DMD: variants seen among roughly 807,000 people sequenced by gnomAD.
The protein encoded by DMD is dystrophin.
A neutral mutation model predicts 330.1 loss-of-function variants in DMD; 63 were observed. The ratio of observed to expected loss-of-function variants is 0.19; its 90% CI spans 0.16 to 0.24. The LOEUF (loss-of-function observed/expected upper bound fraction) is 0.24, where lower values mean the gene tolerates loss of function less well. Among genes scored for constraint, DMD ranks in the 10% least tolerant of loss-of-function variants. DMD has a pLI of 1.00. For synonymous variants in DMD, 1,223 were observed against 959.8 expected (o/e 1.27, Z -5.07); for missense variants, 3,344 against 2,684.1 (o/e 1.25, Z -5.43).
rs749795303 is a variant in DMD, at chrX:32,069,693, TC to T, written c.6439-101180del. On this transcript the variant is annotated intron_variant, in intron 44 of 78. Coordinates refer to ENST00000357033, the MANE Select transcript of DMD (RefSeq NM_004006.3). The stretch of plus-strand genomic sequence containing the variant: ...TAATTTTATTTCACCAAATTAGGCT[TC>T]AAATCCTCCAGACCATCTGTGAATA... Among the ~76,000 whole-genome samples, 284 of 112,090 alleles carry T rather than the reference TC, an allele frequency of 2.5e-3. 1 individual carries two copies. Among genetic ancestry groups the T allele is most frequent in the African/African-American group, 8.6e-3 (266 of 30,863 alleles).
chrX:31,791,317 T>C (rs1016374417), intron 50 of DMD, among the ~76,000 whole-genome samples: 1 of 111,584 alleles, frequency 9.0e-6, no homozygotes, highest in Admixed American at 9.5e-5. Context: ...CAACTAAAGG[T>C]TGTCAATATA....
intron 1 of DMD, among the ~76,000 whole-genome samples, chrX:33,234,281 T>A (rs1272409845): frequency 8.9e-6 from 1 of 111,882 alleles, no homozygotes; most frequent in African/African-American, 3.3e-5. Context: ...GATCATATGG[T>A]CTTGTAAAAT....
At chrX:31,545,450 C>T (rs2074091334) in intron 55 of DMD, among the ~76,000 whole-genome samples, 1 of 112,465 alleles carries the variant, frequency 8.9e-6, no homozygotes. Context: ...GTTTCTTTCT[C>T]AAATCATTTT....
chrX:31,220,694 T>C (rs1238391707), intron 64 of DMD, among the ~76,000 whole-genome samples: 1 of 110,254 alleles, frequency 9.1e-6, no homozygotes, highest in Admixed American at 9.8e-5. Flanking sequence ...TGTATATTTC[T>C]CCTGAGCACC....
At chrX:32,396,011 T>C (rs765701780) in intron 30 of DMD, among the ~76,000 whole-genome samples, 2 of 111,286 alleles carry the variant, frequency 1.8e-5, no homozygotes, top group African/African-American at 3.3e-5. Flanking sequence ...AAAGCAAAGA[T>C]AGCGTAAGTG....
chrX:31,657,544 C>T (rs1038044674), intron 54 of DMD, among the ~76,000 whole-genome samples: 1 of 111,256 alleles, frequency 9.0e-6, no homozygotes, highest in African/African-American at 3.3e-5. Context: ...TTGCCCTCCA[C>T]AAATTTTCCC....
chrX:31,796,042 C>T (rs984269981), intron 50 of DMD, among the ~76,000 whole-genome samples: 2 of 111,620 alleles, frequency 1.8e-5, no homozygotes, highest in Non-Finnish European at 3.8e-5. Flanking sequence ...CTAGTAGGTA[C>T]CAAATCCATG....
At chrX:32,183,966 C>T (rs906011728) in intron 44 of DMD, among the ~76,000 whole-genome samples, 7 of 110,619 alleles carry the variant, frequency 6.3e-5, no homozygotes, top group African/African-American at 2.3e-4. Context: ...CCTAAAAAGA[C>T]TCTTGAAAAA....
intron 70 of DMD, 185 bp downstream of exon 70, chrX:31,178,484 A>C (rs2040794124): frequency 1.0e-6 from 1 of 979,427 alleles, no homozygotes; most frequent in South Asian, 4.2e-5. Flanking sequence ...TGGAAAAAGA[A>C]ATTGTCAAGT....
chrX:32,564,861 G>A (rs977063964), intron 16 of DMD, among the ~76,000 whole-genome samples: 1 of 111,572 alleles, frequency 9.0e-6, no homozygotes, highest in African/African-American at 3.3e-5. Context: ...GGAAATATTT[G>A]CCTAAAATCT....
intron 12 of DMD, among the ~76,000 whole-genome samples, chrX:32,607,315 T>A (rs1437160032): frequency 9.0e-6 from 1 of 110,595 alleles, no homozygotes; most frequent in Non-Finnish European, 1.9e-5. Context: ...ATAGCCCTTT[T>A]GAGCATCACT....
chrX:32,366,212 C>G (rs892890999), intron 34 of DMD, among the ~76,000 whole-genome samples: 1 of 111,981 alleles, frequency 8.9e-6, no homozygotes, highest in Non-Finnish European at 1.9e-5. Flanking sequence ...GCATAAAGCC[C>G]CTTTCCTGGT....
At chrX:32,141,484 G>A (rs1042697359) in intron 44 of DMD, among the ~76,000 whole-genome samples, 4 of 105,798 alleles carry the variant, frequency 3.8e-5, no homozygotes, top group African/African-American at 1.4e-4. Flanking sequence ...AACAAAACAC[G>A]TTAATTCTCT....
intron 41 of DMD, among the ~76,000 whole-genome samples, chrX:32,327,014 C>G (rs140850508): frequency 0.017 from 1,848 of 110,043 alleles, 43 homozygotes; most frequent in African/African-American, 0.057. Flanking sequence ...TTCTCTCTCT[C>G]TGTCTCCCTT....
intron 2 of DMD, among the ~76,000 whole-genome samples, chrX:32,949,825 T>A (rs1346150012): frequency 1.1e-5 from 1 of 88,049 alleles, no homozygotes; most frequent in Non-Finnish European, 2.2e-5. Flanking sequence ...TTGACAACAA[T>A]CAAAAACTCA....
rs770975828 is a variant in DMD, at chrX:32,055,580, G to T, written c.6439-87066C>A. Reference sequence around the variant, plus strand: ...AGATAATGGATATGCTAATTACCCTGATCTGATCACTATACATTACATATA... The same window carrying T: ...AGATAATGGATATGCTAATTACCCTTATCTGATCACTATACATTACATATA... On this transcript the variant is annotated intron_variant, in intron 44 of 78. Coordinates refer to ENST00000357033, the MANE Select transcript of DMD (RefSeq NM_004006.3). Among the ~76,000 whole-genome samples, 293 of 111,125 alleles carry T rather than the reference G, an allele frequency of 2.6e-3. 2 individuals carry two copies. Among genetic ancestry groups the T allele is most frequent in the African/African-American group, 9.2e-3 (282 of 30,680 alleles).
chrX:32,362,206 T>G (rs2147224585), intron 37 of DMD, among the ~76,000 whole-genome samples: 1 of 111,692 alleles, frequency 9.0e-6, no homozygotes, highest in South Asian at 3.7e-4. Context: ...GATCATTTCA[T>G]TATAGCCTAA....
At chrX:32,851,837 G>A (rs966665698) in intron 2 of DMD, among the ~76,000 whole-genome samples, 5 of 111,741 alleles carry the variant, frequency 4.5e-5, no homozygotes, top group African/African-American at 1.6e-4. Flanking sequence ...TTCATCAAGC[G>A]CACATAGAGG....
intron 61 of DMD, among the ~76,000 whole-genome samples, chrX:31,330,313 A>G (rs2057049857): frequency 1.8e-5 from 2 of 111,846 alleles, no homozygotes; most frequent in African/African-American, 3.2e-5. Flanking sequence ...GCTGTCAAAG[A>G]AAAATAATAC....
Sources: allele counts gnomAD v4.1 joint callset (sites outside exome capture counted in the v4.1 genomes callset), GRCh38; gene constraint gnomAD v4.1.1; transcripts MANE v1.5; gene names NCBI Gene and HGNC (gene_info 2026-07-23, HGNC 2026-07-21).